Variants in KCNIP3 observed in about 807,000 individuals in gnomAD.
KCNIP3 encodes the protein calsenilin.
In KCNIP3, 28 loss-of-function variants were observed where a neutral mutation model predicts 35.0. The ratio of observed to expected loss-of-function variants is 0.80; its 90% confidence interval spans 0.59 to 1.10. The LOEUF (loss-of-function observed/expected upper bound fraction) is 1.10, where lower values mean the gene tolerates loss of function less well. Ranked by LOEUF, KCNIP3 falls within the 50% of genes least tolerant of loss-of-function variation. The pLI, the probability that KCNIP3 is intolerant of heterozygous loss-of-function variation, is 0.00. For synonymous variants in KCNIP3, 134 were observed against 133.8 expected (o/e 1.00, Z -0.01); for missense variants, 295 against 338.4 (o/e 0.87, Z 1.01).
chr2:95,367,982 G>A (rs1347600956), intron 2 of KCNIP3, among the ~76,000 whole-genome samples: 3 of 152,090 alleles, frequency 2.0e-5, no homozygotes, highest in Admixed American at 6.5e-5. Context: ...GGCTGGTCTC[G>A]AACTCCTGAC....
intron 1 of KCNIP3, among the ~76,000 whole-genome samples, chr2:95,298,405 A>C (rs1407873609): frequency 1.3e-5 from 2 of 152,200 alleles, no homozygotes; most frequent in Non-Finnish European, 1.5e-5. Flanking sequence ...AAGGTGCAAC[A>C]TAACTGCTGG....
intron 2 of KCNIP3, among the ~76,000 whole-genome samples, chr2:95,348,517 C>A (rs559650398): frequency 4.6e-5 from 7 of 152,174 alleles, no homozygotes; most frequent in African/African-American, 1.7e-4. Context: ...CCCTGATCCT[C>A]GGGGCCTCCA....
chr2:95,369,869 C>G (rs926071933), intron 2 of KCNIP3, among the ~76,000 whole-genome samples: 1 of 152,174 alleles, frequency 6.6e-6, no homozygotes, highest in Non-Finnish European at 1.5e-5. Context: ...ATCAATCCAC[C>G]TGCCTCAGCC....
chr2:95,312,186 G>A (rs907419589), intron 2 of KCNIP3: 1 of 152,354 alleles, frequency 6.6e-6, no homozygotes, highest in Non-Finnish European at 1.5e-5. Context: ...CATCCCTCAG[G>A]TCCTGCAGAT....
chr2:95,326,245 AACACTCACACAT>A (rs1316432102), intron 2 of KCNIP3, among the ~76,000 whole-genome samples: 18 of 72,054 alleles, frequency 2.5e-4, no homozygotes, highest in East Asian at 5.6e-4. Flanking sequence ...ACACACACAC[AACACTCACACAT>A]ACACTCACAC....
At position 95,309,900 on chromosome 2, in the gene KCNIP3, T is replaced by C. The variant is rs531344497; in HGVS notation, c.16-455T>C. 7.9e-5 allele frequency among the ~76,000 whole-genome samples: 12 copies of C among 152,310 alleles called. No individual in the cohort carries two copies. In the South Asian group the frequency reaches 2.5e-3, roughly 32 times the overall value. ...TCTCAGCTTGCCTCAGCATGAAAAC[T>C]CAGGCAGAGCAGGGGCCCTGCTGGG... On this transcript the variant is annotated intron_variant, in intron 1 of 8. Coordinates refer to ENST00000295225, the MANE Select transcript of KCNIP3 (RefSeq NM_013434.5).
At chr2:95,317,688 G>T (rs1296285078) in intron 2 of KCNIP3, among the ~76,000 whole-genome samples, 1 of 152,194 alleles carries the variant, frequency 6.6e-6, no homozygotes, top group Non-Finnish European at 1.5e-5. Context: ...AGACAGACCA[G>T]GAGTGGGGAG....
chr2:95,304,114 C>T (rs1041616359), intron 1 of KCNIP3, among the ~76,000 whole-genome samples: 5 of 152,192 alleles, frequency 3.3e-5, no homozygotes, highest in African/African-American at 7.2e-5. Context: ...CTTGAGGGGT[C>T]GCCTGGCTGA....
At position 95,297,376 on chromosome 2, in the gene KCNIP3, G is replaced by C; in HGVS notation, c.-63G>C. The stretch of plus-strand genomic sequence containing the variant: ...ATGAGGCAGCTGCCAGCCGGCCTGG[G>C]CAGTCTTGTCTGCCTCGGCTGTGAA... On this transcript the variant is annotated 5_prime_UTR_variant, in exon 1 of 9. Transcript: ENST00000295225. 1 of 1,532,230 alleles carries C rather than the reference G, an allele frequency of 6.5e-7. No homozygotes were observed. The highest frequency in any genetic ancestry group is 8.9e-7 in the Non-Finnish European group (1 of 1,129,898). 94.9% of individuals were successfully genotyped at this position (1,532,230 alleles called of 1,614,324 possible).
chr2:95,360,787 G>C (rs1679781392), intron 2 of KCNIP3, among the ~76,000 whole-genome samples: 2 of 152,228 alleles, frequency 1.3e-5, no homozygotes, highest in South Asian at 4.1e-4. Context: ...GAGAGAAAGA[G>C]GGGGCAAAGC....
chr2:95,316,171 A>G (rs1285586075), intron 2 of KCNIP3, among the ~76,000 whole-genome samples: 2 of 152,172 alleles, frequency 1.3e-5, no homozygotes, highest in African/African-American at 4.8e-5. Context: ...GAGCATTCCA[A>G]CTTGCCTTAG....
intron 1 of KCNIP3, among the ~76,000 whole-genome samples, chr2:95,309,319 G>A (rs533889155): frequency 6.6e-6 from 1 of 152,320 alleles, no homozygotes; most frequent in South Asian, 2.1e-4. Flanking sequence ...TCAGGATTGG[G>A]GGGCCTGAAA....
Position 95,377,939 on chromosome 2 carries a change from G to A in KCNIP3, c.447+2731G>A, listed in dbSNP as rs1462309646. ...TCAGCTGAAGATAAGGTGGAGGACAGCGGTGCCTGCCCAGGGTCCCCAGGA... is the reference window on the plus strand; with the variant it reads ...TCAGCTGAAGATAAGGTGGAGGACAACGGTGCCTGCCCAGGGTCCCCAGGA... On this transcript the variant is annotated intron_variant, in intron 5 of 8. Transcript: ENST00000295225. This position sits in a 1 kb window ranked among gnomAD's most constrained non-coding sequence, Gnocchi z 4.7. Among the ~76,000 whole-genome samples the A allele has an allele frequency of 6.6e-6, 1 of 152,188 alleles. No individual in the cohort carries two copies. The highest frequency in any genetic ancestry group is 1.9e-4 in the East Asian group (1 of 5,178).
intron 2 of KCNIP3, among the ~76,000 whole-genome samples, chr2:95,320,894 CGGCCCCA>C (rs1678577562): frequency 8.9e-6 from 1 of 111,962 alleles, no homozygotes; most frequent in Non-Finnish European, 1.9e-5. Context: ...CCGCCCCCCT[CGGCCCCA>C]CCCAGCCTCT....
At chr2:95,341,813 T>C (rs1393195127) in intron 2 of KCNIP3, among the ~76,000 whole-genome samples, 1 of 152,196 alleles carries the variant, frequency 6.6e-6, no homozygotes, top group Non-Finnish European at 1.5e-5. Flanking sequence ...CTATCAATTA[T>C]AATAAATATT....
intron 2 of KCNIP3, among the ~76,000 whole-genome samples, chr2:95,316,490 T>A (rs1168956567): frequency 2.0e-5 from 3 of 152,200 alleles, no homozygotes; most frequent in Non-Finnish European, 2.9e-5. Flanking sequence ...TGGCTGGCAC[T>A]AGTTTGGCAG....
rs1056283712 is a variant in KCNIP3 at position 95,363,143 on chromosome 2, C to CT, written c.182-11145dup. On this transcript the variant is annotated intron_variant, in intron 2 of 8. Transcript: ENST00000295225. ...TAATTTTGATGTAATCAGATTCATC[C>CT]TTTTTTTTCCTTGTGGTTTGAGCTT... Among the ~76,000 whole-genome samples, 8 of 152,086 alleles carry CT rather than the reference C, an allele frequency of 5.3e-5. No individual in the cohort carries two copies. The East Asian group carries it at 1.2e-3, about 22-fold the overall frequency.
intron 2 of KCNIP3, among the ~76,000 whole-genome samples, chr2:95,315,374 G>A (rs913980573): frequency 6.6e-6 from 1 of 152,204 alleles, no homozygotes; most frequent in African/African-American, 2.4e-5. Context: ...AACAGAGGCT[G>A]TGAGGTGCAC....
At chr2:95,329,445 CT>C (rs1398000620) in intron 2 of KCNIP3, among the ~76,000 whole-genome samples, 2 of 152,380 alleles carry the variant, frequency 1.3e-5, no homozygotes, top group South Asian at 4.1e-4. Flanking sequence ...ACCCTGGACA[CT>C]GCACTGGGCT....
Sources: gnomAD v4.1 joint callset for allele counts (sites outside exome capture counted in the v4.1 genomes callset) on GRCh38, gnomAD v4.1.1 for gene constraint, Gnocchi (gnomAD v3.1) non-coding constraint, MANE v1.5 for transcripts, NCBI Gene and HGNC (gene_info 2026-07-23, HGNC 2026-07-21) for gene names.